The following ADAMTSL3 variants were observed in gnomAD, a reference collection of about 807,000 sequenced individuals.
The protein encoded by ADAMTSL3 is ADAMTS like 3.
Under a neutral mutation model 201.7 loss-of-function variants are expected in ADAMTSL3, and 128 were observed. The ratio of observed to expected loss-of-function variants is 0.63; its 90% CI spans 0.55 to 0.73. ADAMTSL3 has a LOEUF of 0.73. ADAMTSL3 is among the 30% of genes least tolerant of loss of function. The pLI, the probability that ADAMTSL3 is intolerant of heterozygous loss-of-function variation, is 0.00. For synonymous variants in ADAMTSL3, 738 were observed against 748.4 expected (o/e 0.99, Z 0.23); for missense variants, 1,990 against 2,119.6 (o/e 0.94, Z 1.20).
At chr15:83,962,216 G>A (rs1171770114) in intron 19 of ADAMTSL3, 1 of 152,062 alleles carries the variant, frequency 6.6e-6, no homozygotes, top group Non-Finnish European at 1.5e-5. Flanking sequence ...TGATTGTGAG[G>A]CTTCCCTAGC....
chr15:83,801,651 A>AATATATATATATATAT lies in ADAMTSL3; in HGVS notation c.318-2970_318-2955dup, dbSNP rs68098545. Among the ~76,000 whole-genome samples, 102 of 31,082 alleles carry AATATATATATATATAT rather than the reference A, an allele frequency of 3.3e-3. 3 individuals are homozygous for AATATATATATATATAT. Among genetic ancestry groups the AATATATATATATATAT allele is most frequent in the Admixed American group, 5.3e-3 (11 of 2,088 alleles). 20.4% of individuals were successfully genotyped at this position (31,082 alleles called of 152,430 possible). On this transcript the variant is annotated intron_variant, in intron 4 of 29. Transcript: ENST00000286744. ...TTATATATATAAATATATAAATATA[A>AATATATATATATATAT]ATATATATATATATATATATATATA...
intron 5 of ADAMTSL3, among the ~76,000 whole-genome samples, chr15:83,814,038 T>A (rs1250241728): frequency 2.0e-5 from 3 of 152,146 alleles, no homozygotes; most frequent in African/African-American, 7.2e-5. Flanking sequence ...CATGAACACA[T>A]TTTTATATGA....
chr15:83,679,513 G>A (rs544791798), intron 2 of ADAMTSL3, among the ~76,000 whole-genome samples: 1 of 151,986 alleles, frequency 6.6e-6, no homozygotes, highest in South Asian at 2.1e-4. Context: ...CTAGTGTGTA[G>A]GTCCCTGCCT....
intron 2 of ADAMTSL3, among the ~76,000 whole-genome samples, chr15:83,695,915 G>C (rs927243256): frequency 1.4e-5 from 2 of 142,782 alleles, no homozygotes; most frequent in African/African-American, 4.9e-5. Flanking sequence ...TGTACATCAT[G>C]GTTTTTTTTT....
intron 8 of ADAMTSL3, among the ~76,000 whole-genome samples, chr15:83,864,773 G>A (rs1480091807): frequency 2.0e-5 from 3 of 152,170 alleles, no homozygotes; most frequent in African/African-American, 7.2e-5. Context: ...GGGCAATCAC[G>A]CAGGAGAAAG....
chr15:83,804,271 C>T (rs901640375), intron 4 of ADAMTSL3, among the ~76,000 whole-genome samples: 16 of 152,298 alleles, frequency 1.1e-4, no homozygotes, highest in Admixed American at 4.6e-4. Context: ...CTAGTGGAGA[C>T]GTGCTACACA....
chr15:83,720,177 C>T (rs961986518), intron 3 of ADAMTSL3, among the ~76,000 whole-genome samples: 1 of 152,158 alleles, frequency 6.6e-6, no homozygotes, highest in Non-Finnish European at 1.5e-5. Context: ...AGAAATCATA[C>T]CACTGCACTC....
intron 7 of ADAMTSL3, among the ~76,000 whole-genome samples, chr15:83,853,879 A>G (rs1391391162): frequency 6.6e-6 from 1 of 151,544 alleles, no homozygotes; most frequent in Non-Finnish European, 1.5e-5. Flanking sequence ...ATTTTGCTAC[A>G]TTGGTTCATT....
At chr15:83,776,109 A>C (rs950134253) in intron 4 of ADAMTSL3, among the ~76,000 whole-genome samples, 4 of 152,194 alleles carry the variant, frequency 2.6e-5, no homozygotes, top group African/African-American at 9.6e-5. Context: ...ACACCAAGCA[A>C]CTGTTGGTGA....
intron 6 of ADAMTSL3, among the ~76,000 whole-genome samples, chr15:83,821,948 G>A (rs1433357330): frequency 3.4e-5 from 5 of 148,636 alleles, no homozygotes; most frequent in Admixed American, 1.3e-4. Flanking sequence ...AGGGGCGGCC[G>A]GGCAGAGGCG....
intron 15 of ADAMTSL3, among the ~76,000 whole-genome samples, chr15:83,903,969 A>AAGGAAGGAAGGAGGG (rs1567226227): frequency 4.5e-5 from 4 of 89,674 alleles, no homozygotes. Context: ...AGAAAGAAAG[A>AAGGAAGGAAGGAGGG]AAAGGAGCTA....
intron 3 of ADAMTSL3, among the ~76,000 whole-genome samples, chr15:83,707,293 A>G (rs2061866620): frequency 6.6e-6 from 1 of 152,228 alleles, no homozygotes; most frequent in South Asian, 2.1e-4. Flanking sequence ...AGGGCCTGGT[A>G]CATATAAGCA....
At chr15:84,017,997 C>G (rs910976396) in intron 25 of ADAMTSL3, among the ~76,000 whole-genome samples, 1 of 152,316 alleles carries the variant, frequency 6.6e-6, no homozygotes, top group Non-Finnish European at 1.5e-5. Flanking sequence ...GATGTTTGTT[C>G]TGGGAAGAGG....
rs915557428 is a variant in ADAMTSL3 at position 83,792,172 on chromosome 15, A to T, written c.318-12478A>T. Among the ~76,000 whole-genome samples the T allele has an allele frequency of 6.6e-5, 10 of 152,350 alleles. No individual in the cohort carries two copies. In the East Asian group the frequency reaches 1.9e-3, roughly 29 times the overall value. ...TATGACAAACTCAGTAGCAAGAAAA[A>T]AATAACCTGATTAAAAAATGGGCAA... is the stretch of plus-strand genomic sequence containing the variant. On this transcript the variant is annotated intron_variant, in intron 4 of 29. Transcript: ENST00000286744.
intron 6 of ADAMTSL3, among the ~76,000 whole-genome samples, chr15:83,835,233 C>CAAA (rs58071247): frequency 1.2e-4 from 14 of 112,216 alleles, no homozygotes; most frequent in African/African-American, 2.1e-4. Context: ...GACTCTGTCT[C>CAAA]AAAAAAAAAA....
At chr15:83,778,183 T>C (rs573051745) in intron 4 of ADAMTSL3, among the ~76,000 whole-genome samples, 3 of 152,240 alleles carry the variant, frequency 2.0e-5, no homozygotes, top group Non-Finnish European at 4.4e-5. Context: ...TGGAACCAAC[T>C]TGGAAAACAT....
intron 4 of ADAMTSL3, among the ~76,000 whole-genome samples, chr15:83,804,016 G>A (rs1205805257): frequency 3.3e-5 from 5 of 151,970 alleles, no homozygotes; most frequent in African/African-American, 4.8e-5. Flanking sequence ...GGGGGTGTGC[G>A]CCTGCAATCC....
intron 17 of ADAMTSL3, among the ~76,000 whole-genome samples, chr15:83,926,123 G>T (rs1043170646): frequency 1.3e-5 from 2 of 152,186 alleles, no homozygotes; most frequent in African/African-American, 4.8e-5. Flanking sequence ...CGGGGAGGTT[G>T]GTGCAGGTCA....
chr15:83,941,839 G>T (rs2066566394), intron 17 of ADAMTSL3, among the ~76,000 whole-genome samples: 2 of 152,172 alleles, frequency 1.3e-5, no homozygotes, highest in African/African-American at 2.4e-5. Flanking sequence ...AACTAGTGAA[G>T]AATTCATGTT....
Sources: gnomAD v4.1 joint callset for allele counts (sites outside exome capture counted in the v4.1 genomes callset) on GRCh38, gnomAD v4.1.1 for gene constraint, MANE v1.5 for transcripts, NCBI Gene and HGNC (gene_info 2026-07-23, HGNC 2026-07-21) for gene names.